The following ZNF347 variants were observed in gnomAD, a reference collection of about 807,000 sequenced individuals.
The protein encoded by ZNF347 is CTD-2620I22.7.
ZNF347 carries 19 observed loss-of-function variants against 12.9 expected under a neutral mutation model. That is an observed-to-expected ratio of 1.47 (90% confidence interval 1.03 to 2.16). ZNF347 has a LOEUF of 2.16. Ranked by LOEUF, ZNF347 falls within the 30% of genes most tolerant of loss-of-function variation. ZNF347 has a pLI of 0.00. For synonymous variants in ZNF347, 328 were observed against 340.6 expected (o/e 0.96, Z 0.41); for missense variants, 1,005 against 990.6 (o/e 1.01, Z -0.19).
chr19:53,154,232 A>G (rs1279988497), intron 1 of ZNF347, among the ~76,000 whole-genome samples: 3 of 152,094 alleles, frequency 2.0e-5, no homozygotes, highest in African/African-American at 4.8e-5. Flanking sequence ...CTATAATCCT[A>G]GCACTTTGGG....
intron 4 of ZNF347, among the ~76,000 whole-genome samples, chr19:53,146,292 A>T (rs1265436415): frequency 6.6e-6 from 1 of 151,782 alleles, no homozygotes; most frequent in Non-Finnish European, 1.5e-5. Flanking sequence ...ATTTTTTTTT[A>T]GAGATGGGGT....
rs765082961 is a variant in ZNF347, at chr19:53,142,049, G to A, written c.779C>T (p.Pro260Leu). ...QGQKANNWGS[P>L]YKSNGCGMVF... ...CATGCCACATCCATTAGATTTGTAA[G>A]GGCTTCCCCAATTATTTGCTTTTTG... The change falls in exon 5 of 5, where the codon CCT (proline) becomes CTT (leucine). Residue 260 changes from proline to leucine, a missense_variant. Physicochemically the swap from Pro to Leu is moderately conservative, Grantham distance 98 (BLOSUM62 -3). Transcript: ENST00000334197. The A allele has an allele frequency of 5.0e-6, 8 of 1,613,658 alleles. No homozygotes were observed. The highest frequency in any genetic ancestry group is 2.2e-5 in the East Asian group (1 of 44,872).
Position 53,140,197 on chromosome 19 carries a change from G to A in ZNF347, c.*111C>T, listed in dbSNP as rs2090411214. On this transcript the variant is annotated 3_prime_UTR_variant, in exon 5 of 5. Transcript: ENST00000334197. ...TTACAGGCATGAGCCACTGCACCCA[G>A]CCAGTCATTGCATTTTCAAGGAATC... 8.9e-7 allele frequency: 1 copy of A among 1,128,012 alleles called. No homozygotes were observed. The highest frequency in any genetic ancestry group is 1.6e-5 in the African/African-American group (1 of 64,066). The allele number at this position is 1,128,012 out of a possible 1,614,324, so 69.9% of individuals were successfully genotyped here. A position where few individuals can be genotyped will look rare whatever the true frequency, so the allele number is the denominator to read the frequency against.
chr19:53,157,616 C>T (rs2090544063), intron 1 of ZNF347, among the ~76,000 whole-genome samples: 1 of 152,140 alleles, frequency 6.6e-6, no homozygotes, highest in South Asian at 2.1e-4. Context: ...TTTCTTCTCC[C>T]ATCTCTGCTC....
At chr19:53,150,771 G>A (rs139726758) in intron 2 of ZNF347, among the ~76,000 whole-genome samples, 4 of 152,226 alleles carry the variant, frequency 2.6e-5, no homozygotes, top group African/African-American at 7.2e-5. Flanking sequence ...AGACAGAGTC[G>A]CTCTATCACC....
At chr19:53,153,951 AC>A in intron 1 of ZNF347, 158 bp from the exon 2 acceptor site, 2 of 598,756 alleles carry the variant, frequency 3.3e-6, no homozygotes, top group South Asian at 4.1e-5. Context: ...TGCCCACTGC[AC>A]CAGGGCAATG....
intron 4 of ZNF347, among the ~76,000 whole-genome samples, chr19:53,148,039 A>T (rs1299292761): frequency 6.6e-6 from 1 of 152,200 alleles, no homozygotes; most frequent in Non-Finnish European, 1.5e-5. Context: ...ATATATGACA[A>T]ATCCAGCAGG....
At chr19:53,153,626 AC>A (rs2090513040) in intron 2 of ZNF347, 106 bp downstream of exon 2, 2 of 1,503,166 alleles carry the variant, frequency 1.3e-6, no homozygotes, top group East Asian at 4.5e-5. Context: ...GTGCGAGCAA[AC>A]CTGTCAGGCA....
In ZNF347 at chr19:53,141,540, T is replaced by C; in HGVS notation, c.1288A>G (p.Lys430Glu). 6.2e-7 allele frequency: 1 copy of C among 1,614,092 alleles called. No homozygotes were observed. The highest frequency in any genetic ancestry group is 8.5e-7 in the Non-Finnish European group (1 of 1,179,976). ...WRIHTGEKPY[K>E]CNECGKAFGV... Reference sequence around the variant, plus strand: ...AAGGCTTTGCCGCACTCATTACACTTGTAAGGTTTCTCTCCAGTGTGAATT... The same window carrying C: ...AAGGCTTTGCCGCACTCATTACACTCGTAAGGTTTCTCTCCAGTGTGAATT... The change falls in exon 5 of 5, where the codon AAG becomes GAG. Residue 430 changes from lysine (K) to glutamate (E), a missense_variant. Coordinates refer to ENST00000334197, the MANE Select transcript of ZNF347 (RefSeq NM_032584.3).
intron 4 of ZNF347, among the ~76,000 whole-genome samples, chr19:53,148,451 T>C (rs1009691615): frequency 6.6e-6 from 1 of 152,112 alleles, no homozygotes; most frequent in Non-Finnish European, 1.5e-5. Context: ...TAGAAAACAG[T>C]GTTGTCCATC....
rs1423523631 is a variant in ZNF347 at position 53,149,263 on chromosome 19, A to C, written c.120T>G (p.Asn40Lys). 6.2e-7 allele frequency: 1 copy of C among 1,613,412 alleles called. No individual in the cohort carries two copies. The change falls in exon 3 of 5, where the codon AAT becomes AAG. Residue 40 changes from asparagine (N) to lysine (K), a missense_variant. Physicochemically the swap from Asn to Lys is moderately conservative, Grantham distance 94. Transcript: ENST00000334197. ...CACCCAGGGAGGCCAGGTTCCTATA[A>C]TTCTCCAACATCACGTCCCTGTACA... ...RTLYRDVMLE[N>K]YRNLASLGIS...
chr19:53,150,631 AGT>A (rs2090491204), intron 2 of ZNF347, among the ~76,000 whole-genome samples: 1 of 152,238 alleles, frequency 6.6e-6, no homozygotes, highest in Non-Finnish European at 1.5e-5. Context: ...AAATGTGTAC[AGT>A]GACTTTAAAG....
chr19:53,149,214 T>C, intron 3 of ZNF347, 27 bp downstream of exon 3: 1 of 1,610,032 alleles, frequency 6.2e-7, no homozygotes, highest in Non-Finnish European at 8.5e-7. Flanking sequence ...GGGCAGATCC[T>C]GACTTCTGGA....
At chr19:53,155,425 C>T (rs541521387) in intron 1 of ZNF347, among the ~76,000 whole-genome samples, 6 of 151,928 alleles carry the variant, frequency 3.9e-5, no homozygotes, top group South Asian at 4.2e-4. Context: ...CTCAAGCTCT[C>T]GTGTTCAAGC....
chr19:53,156,388 G>A (rs2090536156), intron 1 of ZNF347, among the ~76,000 whole-genome samples: 1 of 151,632 alleles, frequency 6.6e-6, no homozygotes, highest in South Asian at 2.1e-4. Context: ...GGACAACAGA[G>A]CGAGACTGTT....
rs2090383147 is a variant in ZNF347, at chr19:53,135,374, AG to A, written c.*4933del. On this transcript the variant is annotated 3_prime_UTR_variant, in exon 5 of 5. Coordinates refer to ENST00000334197, the MANE Select transcript of ZNF347 (RefSeq NM_032584.3). ...GAGAGAGAGAGAGAGAGAGAAAGAG[AG>A]AGAGAGAGAGAGAGAGAGATGGAGT... 7.8e-6 allele frequency: 1 copy of A among 128,312 alleles called. No individual in the cohort carries two copies. 7.9% of individuals were successfully genotyped at this position (128,312 alleles called of 1,614,324 possible). A position where few individuals can be genotyped will look rare whatever the true frequency, so the allele number is the denominator to read the frequency against.
chr19:53,154,850 T>TA (rs983389144), intron 1 of ZNF347, among the ~76,000 whole-genome samples: 3,340 of 138,286 alleles, frequency 0.024, 112 homozygotes, highest in African/African-American at 0.078. Flanking sequence ...GAACATAAAG[T>TA]AAAAAAAAAA....
chr19:53,149,113 A>T, intron 3 of ZNF347, 128 bp downstream of exon 3: 5 of 1,533,468 alleles, frequency 3.3e-6, no homozygotes, highest in Non-Finnish European at 3.5e-6. Flanking sequence ...CATTATGGAG[A>T]TTTTCATTTT....
chr19:53,142,034 C>T lies in ZNF347; in HGVS notation c.794G>A (p.Gly265Glu). The change falls in exon 5 of 5, where the codon GGA becomes GAA. Residue 265 changes from glycine to glutamate, a missense_variant. By Grantham distance (98) the Gly-to-Glu change is moderately conservative. Transcript: ENST00000334197. ...ATTTTGAGGAAAGACCATGCCACAT[C>T]CATTAGATTTGTAAGGGCTTCCCCA... ...NNWGSPYKSN[G>E]CGMVFPQNSH... The T allele has an allele frequency of 6.2e-7, 1 of 1,614,032 alleles. No individual in the cohort carries two copies. Among genetic ancestry groups the T allele is most frequent in the South Asian group, 1.1e-5 (1 of 91,066 alleles).
Sources: allele counts gnomAD v4.1 joint callset (sites outside exome capture counted in the v4.1 genomes callset), GRCh38; gene constraint gnomAD v4.1.1; transcripts MANE v1.5; gene names NCBI Gene and HGNC (gene_info 2026-07-23, HGNC 2026-07-21).